The following CNGB1 variants were observed in gnomAD, a reference collection of about 807,000 sequenced individuals.
The protein encoded by CNGB1 is cyclic nucleotide gated channel subunit beta 1.
In CNGB1, 126 loss-of-function variants were observed where a neutral mutation model predicts 151.7. That is an observed-to-expected ratio of 0.83 (90% CI 0.72 to 0.96). CNGB1 has a LOEUF of 0.96. Ranked by LOEUF, CNGB1 falls within the 40% of genes least tolerant of loss-of-function variation. CNGB1 has a pLI of 0.00. For synonymous variants in CNGB1, 623 were observed against 635.1 expected (o/e 0.98, Z 0.29); for missense variants, 1,698 against 1,627.0 (o/e 1.04, Z -0.75).
At chr16:57,932,756 A>AT (rs1961392340) in intron 16 of CNGB1, among the ~76,000 whole-genome samples, 1 of 151,764 alleles carries the variant, frequency 6.6e-6, no homozygotes, top group East Asian at 1.9e-4. Flanking sequence ...AATTTTTTGT[A>AT]TTTTTAGTAG....
chr16:57,947,024 A>C (rs1961827101), intron 14 of CNGB1, among the ~76,000 whole-genome samples: 1 of 152,226 alleles, frequency 6.6e-6, no homozygotes, highest in Non-Finnish European at 1.5e-5. Flanking sequence ...AATATGTATG[A>C]ATGTGCTGCC....
chr16:57,911,238 T>C (rs554777765), intron 25 of CNGB1, among the ~76,000 whole-genome samples: 14 of 152,350 alleles, frequency 9.2e-5, no homozygotes, highest in African/African-American at 3.4e-4. Flanking sequence ...GCCTGGCACA[T>C]GCAGGTGCTC....
At chr16:57,950,819 G>T (rs367796755) in intron 12 of CNGB1, among the ~76,000 whole-genome samples, 3 of 152,156 alleles carry the variant, frequency 2.0e-5, no homozygotes, top group African/African-American at 7.2e-5. Context: ...TGTTTCTCAC[G>T]GGGGATTCCT....
chr16:57,917,517 G>A (rs691490), intron 20 of CNGB1, 41 bp from the exon 21 acceptor site: 552,105 of 1,597,048 alleles, frequency 0.35, 98,904 homozygotes, highest in East Asian at 0.57. Flanking sequence ...CATCAGCCAG[G>A]CAAGGCTCTT....
At chr16:57,949,024 T>A (rs1458551667) in intron 14 of CNGB1, among the ~76,000 whole-genome samples, 1 of 151,982 alleles carries the variant, frequency 6.6e-6, no homozygotes, top group Non-Finnish European at 1.5e-5. Context: ...CAACTAACAT[T>A]TATTTGGTGC....
chr16:57,923,408 C>G, intron 17 of CNGB1, 28 bp from the exon 18 acceptor site: 8 of 1,585,958 alleles, frequency 5.0e-6, no homozygotes, highest in Non-Finnish European at 6.1e-6. Context: ...TGGAAGGGGC[C>G]TTCAGCAAAG....
At chr16:57,939,028 G>A (rs925692153) in intron 16 of CNGB1, among the ~76,000 whole-genome samples, 5 of 152,194 alleles carry the variant, frequency 3.3e-5, no homozygotes, top group Non-Finnish European at 5.9e-5. Flanking sequence ...CCCTCACTGG[G>A]CGGTAGCCCA....
intron 29 of CNGB1, among the ~76,000 whole-genome samples, chr16:57,900,299 C>A (rs1448603739): frequency 6.6e-6 from 1 of 152,110 alleles, no homozygotes; most frequent in East Asian, 2.0e-4. Context: ...CCCCTCTTCA[C>A]CCCGGCTCTC....
chr16:57,933,530 C>CA (rs1961417284), intron 16 of CNGB1, among the ~76,000 whole-genome samples: 1 of 152,134 alleles, frequency 6.6e-6, no homozygotes, highest in Non-Finnish European at 1.5e-5. Flanking sequence ...CAAGTCCAAG[C>CA]TCAGAGGATA....
At chr16:57,895,114 T>C (rs1960187389) in intron 31 of CNGB1, among the ~76,000 whole-genome samples, 1 of 152,038 alleles carries the variant, frequency 6.6e-6, no homozygotes, top group Middle Eastern at 3.2e-3. Flanking sequence ...GGAGAAGAGA[T>C]TTACAAGTAT....
At chr16:57,933,527 A>ATTCTTGAAG (rs1961417085) in intron 16 of CNGB1, among the ~76,000 whole-genome samples, 1 of 152,110 alleles carries the variant, frequency 6.6e-6, no homozygotes, top group Non-Finnish European at 1.5e-5. Context: ...CCCCAAGTCC[A>ATTCTTGAAG]AGCTCAGAGG....
Position 57,884,329 on chromosome 16 carries a change from C to T in CNGB1, c.3591G>A (p.Pro1197=). 1 of 1,610,936 alleles carries T rather than the reference C, an allele frequency of 6.2e-7. No individual in the cohort carries two copies. The highest frequency in any genetic ancestry group is 1.1e-5 in the South Asian group (1 of 90,936). Residue 1197 remains proline, a synonymous_variant, in exon 33 of 33, where the codon CCG becomes CCA. Coordinates refer to ENST00000251102, the MANE Select transcript of CNGB1 (RefSeq NM_001297.5). The part of the protein sequence containing the change: ...RTPPEPPGSP[P]SSPPPASLGR... ...CAAGGGAGGCAGGCGGTGGAGAGCTCGGTGGAGACCCCGGGGGCTCGGGGG... is the reference window on the plus strand; with the variant it reads ...CAAGGGAGGCAGGCGGTGGAGAGCTTGGTGGAGACCCCGGGGGCTCGGGGG...
intron 25 of CNGB1, among the ~76,000 whole-genome samples, chr16:57,910,457 C>T (rs1960677950): frequency 6.6e-6 from 1 of 152,156 alleles, no homozygotes; most frequent in East Asian, 1.9e-4. Context: ...TCACCACAAC[C>T]TCCACCTCCC....
At chr16:57,925,412 G>A (rs1168341164) in intron 17 of CNGB1, among the ~76,000 whole-genome samples, 10 of 152,180 alleles carry the variant, frequency 6.6e-5, no homozygotes, top group Non-Finnish European at 1.3e-4. Context: ...GCATAACATG[G>A]TAGTACACAC....
At chr16:57,886,922 T>G (rs967582366) in intron 32 of CNGB1, among the ~76,000 whole-genome samples, 1 of 152,188 alleles carries the variant, frequency 6.6e-6, no homozygotes, top group African/African-American at 2.4e-5. Context: ...TCACCCAGGC[T>G]GGAGTGCAAT....
intron 10 of CNGB1, among the ~76,000 whole-genome samples, chr16:57,959,220 T>C (rs1464358836): frequency 1.3e-5 from 2 of 151,970 alleles, no homozygotes; most frequent in African/African-American, 4.8e-5. Flanking sequence ...AAATAAAAAC[T>C]GGTGCATCCA....
intron 2 of CNGB1, among the ~76,000 whole-genome samples, chr16:57,965,557 A>G (rs1027243040): frequency 6.6e-6 from 1 of 152,204 alleles, no homozygotes. Flanking sequence ...ATGGACATGC[A>G]TATACACACA....
At chr16:57,955,310 T>A (rs1296212256) in intron 12 of CNGB1, 2 of 1,551,638 alleles carry the variant, frequency 1.3e-6, no homozygotes, top group African/African-American at 2.7e-5. Flanking sequence ...CATGTGTCCA[T>A]CTGAGCTCTC....
intron 29 of CNGB1, among the ~76,000 whole-genome samples, chr16:57,900,270 GTCTCTGAAGCATACTTT>G (rs1407938834): frequency 1.3e-5 from 2 of 152,136 alleles, no homozygotes; most frequent in African/African-American, 4.8e-5. Flanking sequence ...AAATTCTCAG[GTCTCTGAAGCATACTTT>G]TCCCCTCTTC....
Sources: gnomAD v4.1 joint callset for allele counts (sites outside exome capture counted in the v4.1 genomes callset) on GRCh38, gnomAD v4.1.1 for gene constraint, MANE v1.5 for transcripts, NCBI Gene and HGNC (gene_info 2026-07-23, HGNC 2026-07-21) for gene names.